The following VWA8 variants were observed in gnomAD, a reference collection of about 807,000 sequenced individuals.
The protein encoded by VWA8 is von Willebrand factor A domain-containing protein 8.
Under a neutral mutation model 241.5 loss-of-function variants are expected in VWA8, and 221 were observed. The ratio of observed to expected loss-of-function variants is 0.91; its 90% CI spans 0.82 to 1.02. The LOEUF (loss-of-function observed/expected upper bound fraction) is 1.02, where lower values mean the gene tolerates loss of function less well. VWA8 is among the 50% of genes least tolerant of loss of function. VWA8 has a pLI of 0.00. For missense variants in VWA8, 2,322 were observed against 2,328.7 expected (o/e 1.00, Z 0.06); for synonymous variants, 852 against 827.1 (o/e 1.03, Z -0.52).
At chr13:41,894,344 T>C (rs929562665) in intron 4 of VWA8, among the ~76,000 whole-genome samples, 5 of 152,326 alleles carry the variant, frequency 3.3e-5, no homozygotes, top group Non-Finnish European at 7.4e-5. Flanking sequence ...TTTTTTTCCA[T>C]CTACTCTAAT....
At chr13:41,886,915 T>G in intron 6 of VWA8, 85 bp from the exon 7 acceptor site, 1 of 1,088,990 alleles carries the variant, frequency 9.2e-7, no homozygotes, top group Non-Finnish European at 1.3e-6. Flanking sequence ...CAATCCAACC[T>G]TTTAATTAAG....
intron 16 of VWA8, among the ~76,000 whole-genome samples, chr13:41,815,594 AAG>A: frequency 6.6e-6 from 1 of 152,224 alleles, no homozygotes; most frequent in Non-Finnish European, 1.5e-5. Context: ...CAGAAGGGGC[AAG>A]GAATAGATTC....
chr13:41,637,177 C>G (rs577188044), intron 37 of VWA8, among the ~76,000 whole-genome samples: 1 of 150,926 alleles, frequency 6.6e-6, no homozygotes, highest in Non-Finnish European at 1.5e-5. Flanking sequence ...TGTCCAACAA[C>G]GATAGACTGG....
chr13:41,836,510 A>C (rs141158905), intron 12 of VWA8, among the ~76,000 whole-genome samples: 1 of 152,156 alleles, frequency 6.6e-6, no homozygotes, highest in Admixed American at 6.5e-5. Flanking sequence ...AAAAACTGGT[A>C]ACATTTTTTT....
chr13:41,954,732 C>T (rs923465829), intron 1 of VWA8, among the ~76,000 whole-genome samples: 2 of 152,160 alleles, frequency 1.3e-5, no homozygotes, highest in Non-Finnish European at 2.9e-5. Flanking sequence ...AGAATTTGTA[C>T]TAAATTACTA....
chr13:41,750,958 A>C (rs994595100), intron 21 of VWA8, among the ~76,000 whole-genome samples: 4 of 152,054 alleles, frequency 2.6e-5, no homozygotes, highest in Non-Finnish European at 5.9e-5. Flanking sequence ...GAATGTATGA[A>C]GCTAGCTGTG....
intron 40 of VWA8, among the ~76,000 whole-genome samples, chr13:41,601,737 C>T (rs754040700): frequency 4.6e-5 from 7 of 152,036 alleles, no homozygotes; most frequent in Admixed American, 1.3e-4. Flanking sequence ...GGAAAGTCAC[C>T]GGTGATAGCT....
chr13:41,941,330 C>G (rs370921694), intron 2 of VWA8, among the ~76,000 whole-genome samples: 1 of 152,132 alleles, frequency 6.6e-6, no homozygotes, highest in Admixed American at 6.5e-5. Context: ...AGATATAATA[C>G]GGCACCTTAG....
intron 35 of VWA8, among the ~76,000 whole-genome samples, chr13:41,683,256 T>TAA (rs71096535): frequency 2.1e-5 from 3 of 141,458 alleles, no homozygotes; most frequent in Non-Finnish European, 3.1e-5. Context: ...ACTTGGCAAT[T>TAA]AAAAAAAAAA....
chr13:41,920,823 C>G (rs1253612985), intron 2 of VWA8, among the ~76,000 whole-genome samples: 1 of 152,108 alleles, frequency 6.6e-6, no homozygotes, highest in Non-Finnish European at 1.5e-5. Context: ...AGTCCAGGAC[C>G]AGATGGATTC....
chr13:41,583,655 A>C (rs1314026654), intron 42 of VWA8, among the ~76,000 whole-genome samples: 4 of 151,406 alleles, frequency 2.6e-5, no homozygotes, highest in South Asian at 4.2e-4. Flanking sequence ...AAAAAAAAAA[A>C]AAAAAAACAA....
intron 37 of VWA8, among the ~76,000 whole-genome samples, chr13:41,631,169 G>A (rs958724457): frequency 2.0e-5 from 3 of 152,052 alleles, no homozygotes; most frequent in Non-Finnish European, 2.9e-5. Flanking sequence ...ACAGGCACAC[G>A]CTACCACACC....
At chr13:41,614,258 G>T (rs2044607348) in intron 38 of VWA8, among the ~76,000 whole-genome samples, 1 of 152,216 alleles carries the variant, frequency 6.6e-6, no homozygotes, top group Admixed American at 6.5e-5. Context: ...CCATCCTAAG[G>T]AAGGTGAAGT....
chr13:41,785,525 C>T (rs773957884), intron 18 of VWA8, among the ~76,000 whole-genome samples: 1 of 151,802 alleles, frequency 6.6e-6, no homozygotes, highest in African/African-American at 2.4e-5. Context: ...TTGTGCTAAG[C>T]GTTTTGGAAG....
chr13:41,821,769 T>C (rs1181729779), intron 14 of VWA8, among the ~76,000 whole-genome samples: 1 of 152,154 alleles, frequency 6.6e-6, no homozygotes, highest in Non-Finnish European at 1.5e-5. Context: ...GTCACTATGT[T>C]TGTCTGTGGG....
intron 41 of VWA8, 97 bp from the exon 42 acceptor site, chr13:41,587,767 C>T (rs1391902300): frequency 6.8e-6 from 10 of 1,460,876 alleles, no homozygotes; most frequent in African/African-American, 2.8e-5. Flanking sequence ...GTGCCAGCCC[C>T]GAGATGGGCA....
At position 41,596,788 on chromosome 13, in the gene VWA8, TACACACACACACAC is replaced by T. The variant is rs142774673; in HGVS notation, c.4987-6037_4987-6024del. ...AGGAAATACTTGCTTAACCAGAAAG[TACACACACACACAC>T]ACACACACACACACACACACACACA... On this transcript the variant is annotated intron_variant, in intron 40 of 44. Coordinates refer to ENST00000379310, the MANE Select transcript of VWA8 (RefSeq NM_015058.2). 4.2e-3 allele frequency among the ~76,000 whole-genome samples: 579 copies of T among 136,996 alleles called. 3 individuals carry two copies. Among genetic ancestry groups the T allele is most frequent in the African/African-American group, 0.015 (543 of 37,124 alleles). 89.9% of individuals were successfully genotyped at this position (136,996 alleles called of 152,430 possible).
chr13:41,696,300 A>G (rs1012272353), intron 29 of VWA8, among the ~76,000 whole-genome samples: 1 of 152,200 alleles, frequency 6.6e-6, no homozygotes, highest in African/African-American at 2.4e-5. Flanking sequence ...TTCTGGTGGC[A>G]AGGACTAAAG....
intron 34 of VWA8, 141 bp downstream of exon 34, chr13:41,689,213 G>C: frequency 1.1e-6 from 1 of 911,836 alleles, no homozygotes; most frequent in Non-Finnish European, 1.6e-6. Context: ...ATTTTCTACT[G>C]ACTGATTTGG....
Sources: allele counts gnomAD v4.1 joint callset (sites outside exome capture counted in the v4.1 genomes callset), GRCh38; gene constraint gnomAD v4.1.1; transcripts MANE v1.5; gene names NCBI Gene and HGNC (gene_info 2026-07-23, HGNC 2026-07-21).